Variants in SEMA3A observed in about 807,000 individuals in gnomAD.
SEMA3A encodes semaphorin 3A, also known as semaphorin-3A.
A neutral mutation model predicts 97.9 loss-of-function variants in SEMA3A; 29 were observed. The ratio of observed to expected loss-of-function variants is 0.30; its 90% CI spans 0.22 to 0.40. The LOEUF (loss-of-function observed/expected upper bound fraction) is 0.40, where lower values mean the gene tolerates loss of function less well. Ranked by LOEUF, SEMA3A falls within the 10% of genes least tolerant of loss-of-function variation. SEMA3A has a pLI of 1.00. For synonymous variants in SEMA3A, 321 were observed against 323.7 expected (o/e 0.99, Z 0.09); for missense variants, 763 against 951.3 (o/e 0.80, Z 2.60).
intron 1 of SEMA3A, among the ~76,000 whole-genome samples, chr7:84,411,456 G>T (rs1804263171): frequency 6.6e-6 from 1 of 151,834 alleles, no homozygotes; most frequent in Non-Finnish European, 1.5e-5. Context: ...TTCCATTATG[G>T]TGTTTCCAAA....
rs13221650 is a variant in SEMA3A, at chr7:83,972,807, A to G, written c.1717+4325T>C. Among the ~76,000 whole-genome samples the G allele has an allele frequency of 4.9e-3, 753 of 152,258 alleles. 4 individuals are homozygous for G. The highest frequency in any genetic ancestry group is 8.0e-3 in the Non-Finnish European group (544 of 67,972). On this transcript the variant is annotated intron_variant, in intron 15 of 16. Coordinates refer to ENST00000265362, the MANE Select transcript of SEMA3A (RefSeq NM_006080.3). Reference sequence around the variant, plus strand: ...GAATAATGATACGCAAGCTATTTCAAACCTCTTCTTATTCATGTTATCTGT... The same window carrying G: ...GAATAATGATACGCAAGCTATTTCAGACCTCTTCTTATTCATGTTATCTGT...
chr7:84,030,493 A>C (rs1392693635), intron 6 of SEMA3A, among the ~76,000 whole-genome samples: 1 of 149,670 alleles, frequency 6.7e-6, no homozygotes, highest in African/African-American at 2.5e-5. Flanking sequence ...AAAATTGAAC[A>C]CACCAAAAAG....
chr7:84,081,147 T>C (rs1794138354), intron 4 of SEMA3A, among the ~76,000 whole-genome samples: 1 of 152,130 alleles, frequency 6.6e-6, no homozygotes, highest in African/African-American at 2.4e-5. Context: ...TTATTATCTA[T>C]GTAGCTAGAC....
At chr7:84,007,705 G>A (rs1046132255) in intron 9 of SEMA3A, among the ~76,000 whole-genome samples, 2 of 152,084 alleles carry the variant, frequency 1.3e-5, no homozygotes, top group African/African-American at 2.4e-5. Context: ...AAAATAGAAG[G>A]CATAGGTGAA....
rs770224463 is a variant in SEMA3A, at chr7:83,981,404, C to A, written c.1569G>T (p.Ala523=). Residue 523 remains alanine (A), a synonymous_variant, in exon 14 of 17, where the codon GCG becomes GCT. Transcript: ENST00000265362. The stretch of plus-strand genomic sequence containing the variant: ...CTCGGGCGAGGCAACACTCAGCACA[C>A]GCTTTCCCGTAAATATCACACCGGT... ...PLHRCDIYGK[A]CAECCLARDP... 1 of 1,613,784 alleles carries A rather than the reference C, an allele frequency of 6.2e-7. No individual in the cohort carries two copies. Among genetic ancestry groups the A allele is most frequent in the Admixed American group, 1.7e-5 (1 of 60,000 alleles).
chr7:84,107,412 C>T (rs1795144970), intron 4 of SEMA3A, among the ~76,000 whole-genome samples: 1 of 152,004 alleles, frequency 6.6e-6, no homozygotes, highest in South Asian at 2.1e-4. Flanking sequence ...CTTCAAATTC[C>T]CCAGGTAATT....
chr7:84,149,543 A>G (rs1283817220), intron 1 of SEMA3A, among the ~76,000 whole-genome samples: 2 of 152,250 alleles, frequency 1.3e-5, no homozygotes, highest in African/African-American at 4.8e-5. Flanking sequence ...AGACCAATGC[A>G]GGACACACAA....
chr7:84,312,765 T>TTTTAATTAGGTGA (rs1215056075), intron 2 of SEMA3A, among the ~76,000 whole-genome samples: 1 of 147,962 alleles, frequency 6.8e-6, no homozygotes, highest in Non-Finnish European at 1.5e-5. Context: ...AATTAAATCA[T>TTTTAATTAGGTGA]TTTAATTAGG....
At chr7:84,288,845 G>T (rs1800664414) in intron 3 of SEMA3A, among the ~76,000 whole-genome samples, 1 of 152,070 alleles carries the variant, frequency 6.6e-6, no homozygotes. Context: ...GTATAATCCA[G>T]CAATCCCACT....
At chr7:84,072,846 T>C (rs1583918384) in intron 4 of SEMA3A, among the ~76,000 whole-genome samples, 1 of 152,170 alleles carries the variant, frequency 6.6e-6, no homozygotes, top group East Asian at 1.9e-4. Context: ...GTATATATTA[T>C]TTCACTTAAT....
At chr7:84,430,468 G>T (rs943684085) in intron 1 of SEMA3A, among the ~76,000 whole-genome samples, 1 of 151,746 alleles carries the variant, frequency 6.6e-6, no homozygotes, top group African/African-American at 2.4e-5. Context: ...AATAAAGATA[G>T]GTAAAATTTC....
intron 1 of SEMA3A, among the ~76,000 whole-genome samples, chr7:84,380,889 G>T (rs923654267): frequency 1.3e-5 from 2 of 152,238 alleles, no homozygotes; most frequent in South Asian, 2.1e-4. Context: ...GCTGGGAAAG[G>T]TTCTCTGCTT....
At chr7:84,403,352 G>A (rs985285455) in intron 1 of SEMA3A, among the ~76,000 whole-genome samples, 1 of 152,230 alleles carries the variant, frequency 6.6e-6, no homozygotes, top group Non-Finnish European at 1.5e-5. Flanking sequence ...CTGGGGGAGG[G>A]GCACCTGCCA....
At chr7:84,234,941 A>G (rs1799198326) in intron 3 of SEMA3A, among the ~76,000 whole-genome samples, 1 of 152,070 alleles carries the variant, frequency 6.6e-6, no homozygotes, top group African/African-American at 2.4e-5. Flanking sequence ...TCTAACTAAT[A>G]TCAGTTAATA....
At chr7:84,327,444 G>A (rs1801798213) in intron 2 of SEMA3A, among the ~76,000 whole-genome samples, 1 of 151,788 alleles carries the variant, frequency 6.6e-6, no homozygotes, top group Non-Finnish European at 1.5e-5. Flanking sequence ...GGTAGGCAAA[G>A]GTAGTGGGAA....
chr7:84,279,741 A>C (rs1273528945), intron 3 of SEMA3A, among the ~76,000 whole-genome samples: 4 of 152,192 alleles, frequency 2.6e-5, no homozygotes, highest in Admixed American at 2.6e-4. Flanking sequence ...GAAATAGTAG[A>C]CTATATGTGA....
At chr7:83,980,623 A>AAAAAAAAAAAT (rs1310318006) in intron 14 of SEMA3A, among the ~76,000 whole-genome samples, 10 of 71,754 alleles carry the variant, frequency 1.4e-4, no homozygotes, top group African/African-American at 6.6e-4. Flanking sequence ...AAAAAAAAAA[A>AAAAAAAAAAAT]ATATATATAT....
chr7:84,064,011 G>C (rs1793369779), intron 4 of SEMA3A, among the ~76,000 whole-genome samples: 1 of 151,876 alleles, frequency 6.6e-6, no homozygotes, highest in Admixed American at 6.6e-5. Context: ...GTTAAGGGCA[G>C]CCAGAGAGAA....
intron 7 of SEMA3A, among the ~76,000 whole-genome samples, chr7:84,012,388 C>T (rs554981701): frequency 4.6e-5 from 7 of 152,228 alleles, no homozygotes; most frequent in African/African-American, 9.6e-5. Flanking sequence ...ATCACTTAAA[C>T]TTCCTTTCTA....
Sources: allele counts gnomAD v4.1 joint callset (sites outside exome capture counted in the v4.1 genomes callset), GRCh38; gene constraint gnomAD v4.1.1; transcripts MANE v1.5; gene names NCBI Gene and HGNC (gene_info 2026-07-23, HGNC 2026-07-21).